PKD1: variants seen among roughly 807,000 people sequenced by gnomAD.
PKD1 encodes polycystin 1, transient receptor potential channel interacting, also known as polycystin-1.
A neutral mutation model predicts 361.7 loss-of-function variants in PKD1; 81 were observed. The ratio of observed to expected loss-of-function variants is 0.22; its 90% CI spans 0.19 to 0.27. The LOEUF is 0.27. PKD1 is among the 10% of genes least tolerant of loss of function. The pLI, the probability that PKD1 is intolerant of heterozygous loss-of-function variation, is 1.00. For synonymous variants in PKD1, 3,615 were observed against 2,818.3 expected, an observed-to-expected ratio of 1.28 and a Z score of -8.95; for missense variants, 6,399 against 6,118.3, an observed-to-expected ratio of 1.05 and a Z score of -1.53.
At position 2,089,777 on chromosome 16, in the gene PKD1, T is replaced by G. The variant is rs202176473; in HGVS notation, c.12862A>C (p.Ser4288Arg). The G allele has an allele frequency of 6.3e-7, 1 of 1,597,484 alleles. No homozygotes were observed. Among genetic ancestry groups the G allele is most frequent in the South Asian group, 1.1e-5 (1 of 88,776 alleles). Residue 4288 changes from serine to arginine, a missense_variant, in exon 46 of 46, where the codon AGC becomes CGC. Physicochemically the swap from Ser to Arg is moderately radical, Grantham distance 110. Coordinates refer to ENST00000262304, the MANE Select transcript of PKD1 (RefSeq NM_001009944.3). ...SRGVDLATGP[S>R]RTPLRAKNKV... ...TTCTTGGCCCGAAGGGGTGTCCTGC[T>G]GGGGCCAGTGGCCAGGTCCACACCC...
At chr16:2,096,777 A>G (rs1049238684) in intron 34 of PKD1, 5 of 252,698 alleles carry the variant, frequency 2.0e-5, no homozygotes, top group Non-Finnish European at 3.1e-5. Flanking sequence ...TCGGCCTCCC[A>G]AAGTGCTGGG....
Position 2,100,204 on chromosome 16 carries a change from G to A in PKD1, c.9674C>T (p.Ala3225Val), listed in dbSNP as rs1198499786. 3.1e-6 allele frequency: 5 copies of A among 1,609,758 alleles called. No individual in the cohort carries two copies. The highest frequency in any genetic ancestry group is 2.7e-5 in the African/African-American group (2 of 74,850). The change falls in exon 28 of 46, where the codon GCC becomes GTC. Residue 3225 changes from alanine (A) to valine (V), a missense_variant. Transcript: ENST00000262304. This position sits in a 1 kb window ranked among gnomAD's most constrained non-coding sequence, Gnocchi z 4.4. ...VNDWLSVETE[A>V]NGGLVEKEVL... Reference sequence around the variant, plus strand: ...CTCCTTCTCCACCAGGCCCCCGTTGGCCTCCGTCTCCACCGAAAGCCAGTC... The same window carrying A: ...CTCCTTCTCCACCAGGCCCCCGTTGACCTCCGTCTCCACCGAAAGCCAGTC...
chr16:2,093,148 G>A (rs1226372869), intron 37 of PKD1, 55 bp from the exon 38 acceptor site: 3 of 1,603,802 alleles, frequency 1.9e-6, no homozygotes, highest in African/African-American at 1.3e-5. Context: ...AGTGACAGCA[G>A]GGCTTTGGCA....
At chr16:2,096,879 G>A (rs1178841892) in intron 34 of PKD1, 8 of 543,458 alleles carry the variant, frequency 1.5e-5, no homozygotes, top group Admixed American at 3.3e-5. Flanking sequence ...AGATAAAAAC[G>A]TGGCCCCGGC....
At chr16:2,103,180 G>A (rs540536474) in intron 23 of PKD1, 86 bp downstream of exon 23, 2 of 1,429,878 alleles carry the variant, frequency 1.4e-6, no homozygotes, top group African/African-American at 2.8e-5. Context: ...AATTTCACCA[G>A]AGACACCCAT....
At chr16:2,126,680 C>T (rs1364415145) in intron 1 of PKD1, among the ~76,000 whole-genome samples, 2 of 152,224 alleles carry the variant, frequency 1.3e-5, no homozygotes. Context: ...CAGACAGCAG[C>T]GGGATGTTTT....
At position 2,093,711 on chromosome 16, in the gene PKD1, G is replaced by T; in HGVS notation, c.10849C>A (p.Leu3617Met). ...KVLLEALYFS[L>M]VAKRLHPDED... ...TCCGGGTGCAGCCGCTTGGCCACCAGTGAGAAGTACAGGGCTTCCAGCAAG... is the reference window on the plus strand; with the variant it reads ...TCCGGGTGCAGCCGCTTGGCCACCATTGAGAAGTACAGGGCTTCCAGCAAG... The change falls in exon 37 of 46, where the codon CTG becomes ATG. Residue 3617 changes from leucine (L) to methionine (M), a missense_variant. Leu to Met is a conservative substitution (Grantham distance 15, BLOSUM62 2). Transcript: ENST00000262304. 1 of 1,594,368 alleles carries T rather than the reference G, an allele frequency of 6.3e-7. No homozygotes were observed.
At chr16:2,131,860 A>C (rs1364629266) in intron 1 of PKD1, 8 of 152,186 alleles carry the variant, frequency 5.3e-5, no homozygotes, top group Non-Finnish European at 8.8e-5. Flanking sequence ...TAGCTGGTCC[A>C]AGCACAGTGG....
At chr16:2,098,357 T>C (rs1255452119) in intron 30 of PKD1, among the ~76,000 whole-genome samples, 93 of 151,816 alleles carry the variant, frequency 6.1e-4, no homozygotes, top group Admixed American at 1.0e-3. Flanking sequence ...TACAGGTGCC[T>C]GCCACCATGC....
At position 2,110,404 on chromosome 16, in the gene PKD1, C is replaced by T; in HGVS notation, c.4763G>A (p.Cys1588Tyr). The T allele has an allele frequency of 1.2e-6, 2 of 1,612,640 alleles. No individual in the cohort carries two copies. Among genetic ancestry groups the T allele is most frequent in the Non-Finnish European group, 1.7e-6 (2 of 1,179,848 alleles). The change falls in exon 15 of 46, where the codon TGC becomes TAC. Residue 1588 changes from cysteine (C) to tyrosine (Y), a missense_variant. By Grantham distance (194) the Cys-to-Tyr change is radical (BLOSUM62 -2). Coordinates refer to ENST00000262304, the MANE Select transcript of PKD1 (RefSeq NM_001009944.3). ...GGTAGGACCCCCAGGGATGGGCGTG[C>T]AGCGGTCACAGAGCACCCAGGAATA... The part of the protein sequence containing the change: ...VRYSWVLCDR[C>Y]TPIPGGPTIS...
In PKD1 at chr16:2,112,836, G is replaced by T. The variant is rs759525660; in HGVS notation, c.3113C>A (p.Ala1038Glu). ...GTCCACCAGCACGCCCGCCGTCAGT[G>T]CTAGCGTGGCATTGGGGGACAGCAC... ...PAVLSPNATLALTAGVLVDSA... is the reference protein window; with the variant it reads ...PAVLSPNATLELTAGVLVDSA... Residue 1038 changes from alanine (A) to glutamate (E), a missense_variant, in exon 13 of 46, where the codon GCA (alanine) becomes GAA (glutamate). Transcript: ENST00000262304. The T allele has an allele frequency of 4.7e-5, 76 of 1,603,396 alleles. No individual in the cohort carries two copies. The highest frequency in any genetic ancestry group is 6.1e-5 in the Non-Finnish European group (72 of 1,179,626).
rs199674888 is a variant in PKD1 at position 2,090,476 on chromosome 16, G to A, written c.12253C>T (p.Leu4085=). The change falls in exon 45 of 46, where the codon CTG becomes TTG. Residue 4085 remains leucine (L), a synonymous_variant. Coordinates refer to ENST00000262304, the MANE Select transcript of PKD1 (RefSeq NM_001009944.3). ...CPAESWHLSP[L]LCVGLWALRL... The stretch of plus-strand genomic sequence containing the variant: ...AGTGCCCAGAGCCCCACACACAGCA[G>A]GGGTGACAGGTGCCAGGACTCGGCA... The A allele has an allele frequency of 4.8e-4, 781 of 1,612,168 alleles. 3 individuals are homozygous for A. Among genetic ancestry groups the A allele is most frequent in the Admixed American group, 6.2e-4 (37 of 59,974 alleles).
Position 2,109,347 on chromosome 16 carries a change from G to C in PKD1, c.5820C>G (p.Phe1940Leu). The C allele has an allele frequency of 6.3e-7, 1 of 1,591,606 alleles. No homozygotes were observed. Among genetic ancestry groups the C allele is most frequent in the Non-Finnish European group, 8.5e-7 (1 of 1,173,248 alleles). The stretch of plus-strand genomic sequence containing the variant: ...TCACCACGTGGTCTCCGACGCGGGG[G>C]AAGCTGTGGGAGAAACGGGGCCCGG... ...VLPGPRFSHS[F>L]PRVGDHVVSV... The change falls in exon 15 of 46, where the codon TTC becomes TTG. Residue 1940 changes from phenylalanine (F) to leucine (L), a missense_variant. Physicochemically the swap from Phe to Leu is conservative, Grantham distance 22 (BLOSUM62 0). Coordinates refer to ENST00000262304, the MANE Select transcript of PKD1 (RefSeq NM_001009944.3).
chr16:2,101,184 T>G (rs2092082587), intron 26 of PKD1, among the ~76,000 whole-genome samples: 1 of 152,108 alleles, frequency 6.6e-6, no homozygotes, highest in Non-Finnish European at 1.5e-5. Flanking sequence ...AGACAGGGTT[T>G]CACCGTTAGC....
chr16:2,092,540 C>T lies in PKD1; in HGVS notation c.11209G>A (p.Gly3737Arg), dbSNP rs773289901. 6.8e-6 allele frequency: 11 copies of T among 1,612,594 alleles called. No homozygotes were observed. The highest frequency in any genetic ancestry group is 5.3e-5 in the African/African-American group (4 of 74,926). ...MAHVLLPYVH[G>R]NQSSPELGPP... is the part of the protein sequence containing the mutation. ...CCCAGCTCTGGGCTGGACTGGTTCC[C>T]GTGGACGTAGGGCAGCAGCACGTGG... The change falls in exon 39 of 46, where the codon GGG becomes AGG. Residue 3737 changes from glycine to arginine, a missense_variant. Transcript: ENST00000262304.
chr16:2,106,323 G>T lies in PKD1; in HGVS notation c.7490-19C>A. On this transcript the variant is annotated intron_variant, in intron 18 of 45. Transcript: ENST00000262304. The surrounding 1 kb of genome is among the most constrained non-coding windows in gnomAD (Gnocchi z 6.5). ...TGCCAGCCTGAGGGACGGTCCCCAC[G>T]GCATCACGGGAGGGCTCCGTGACGT... 1 of 1,606,418 alleles carries T rather than the reference G, an allele frequency of 6.2e-7. No homozygotes were observed. Among genetic ancestry groups the T allele is most frequent in the Non-Finnish European group, 8.5e-7 (1 of 1,176,714 alleles).
At position 2,088,881 on chromosome 16, in the gene PKD1, G is replaced by GCGCGCGCACACACACACACACACA. The variant is rs142285430; in HGVS notation, c.*845_*846insTGTGTGTGTGTGTGTGTGCGCGCG. On this transcript the variant is annotated 3_prime_UTR_variant, in exon 46 of 46. Transcript: ENST00000262304. ...ACAGCACACTCGCGCGTGCGCGCGCGCACACACACACACACACAGTCACCT... is the reference window on the plus strand; with the variant it reads ...ACAGCACACTCGCGCGTGCGCGCGCGCGCGCGCACACACACACACACACACACACACACACACACACAGTCACCT... The GCGCGCGCACACACACACACACACA allele has an allele frequency of 3.1e-4, 130 of 421,466 alleles. No individual in the cohort carries two copies. The highest frequency in any genetic ancestry group is 2.7e-3 in the African/African-American group (120 of 44,668). 26.1% of individuals were successfully genotyped at this position (421,466 alleles called of 1,614,324 possible). A position where few individuals can be genotyped will look rare whatever the true frequency, so the allele number is the denominator to read the frequency against.
intron 1 of PKD1, among the ~76,000 whole-genome samples, chr16:2,121,536 G>A (rs973263514): frequency 2.0e-5 from 3 of 152,292 alleles, no homozygotes; most frequent in Non-Finnish European, 4.4e-5. Context: ...AAAAGCAACA[G>A]AAACCACAGG....
At chr16:2,126,276 AGAAG>A (rs2092799046) in intron 1 of PKD1, among the ~76,000 whole-genome samples, 2 of 152,270 alleles carry the variant, frequency 1.3e-5, no homozygotes, top group African/African-American at 4.8e-5. Flanking sequence ...TGCCTCAACC[AGAAG>A]GAAGAGCTGG....
Sources: allele counts gnomAD v4.1 joint callset (sites outside exome capture counted in the v4.1 genomes callset), GRCh38; gene constraint gnomAD v4.1.1; non-coding constraint Gnocchi (gnomAD v3.1); transcripts MANE v1.5; gene names NCBI Gene and HGNC (gene_info 2026-07-23, HGNC 2026-07-21).